KIAA1217: variants seen among roughly 807,000 people sequenced by gnomAD.
The protein encoded by KIAA1217 is KIAA1217, also known as sickle tail protein homolog.
KIAA1217 carries 88 observed loss-of-function variants against 163.9 expected under a neutral mutation model. That is an observed-to-expected ratio of 0.54 (90% CI 0.45 to 0.64). KIAA1217 has a LOEUF of 0.64. Ranked by LOEUF, KIAA1217 falls within the 30% of genes least tolerant of loss-of-function variation. The pLI, the probability that KIAA1217 is intolerant of heterozygous loss-of-function variation, is 0.00. For synonymous variants in KIAA1217, 903 were observed against 923.1 expected (o/e 0.98, Z 0.39); for missense variants, 2,372 against 2,475.0 (o/e 0.96, Z 0.88).
chr10:23,712,965 T>C (rs1335481525), intron 1 of KIAA1217, among the ~76,000 whole-genome samples: 2 of 151,456 alleles, frequency 1.3e-5, no homozygotes, highest in African/African-American at 4.9e-5. Flanking sequence ...GGGGGTGGAG[T>C]TGTTAACATG....
intron 12 of KIAA1217, 138 bp downstream of exon 12, chr10:24,522,067 C>T (rs2071376950): frequency 2.1e-6 from 2 of 933,086 alleles, no homozygotes; most frequent in Non-Finnish European, 3.1e-6. Context: ...CCAAGTCCTT[C>T]TCACCCTTGA....
At chr10:24,310,597 A>G (rs2042575126) in intron 2 of KIAA1217, among the ~76,000 whole-genome samples, 1 of 152,194 alleles carries the variant, frequency 6.6e-6, no homozygotes. Flanking sequence ...TAGCCTCTAC[A>G]TTTTTAAGCA....
At chr10:23,843,888 A>G (rs757910053) in intron 1 of KIAA1217, among the ~76,000 whole-genome samples, 3 of 152,134 alleles carry the variant, frequency 2.0e-5, no homozygotes, top group African/African-American at 7.2e-5. Flanking sequence ...GGGTCTTAAC[A>G]TTCCGTAAAT....
At chr10:24,395,630 C>T (rs765112206) in intron 3 of KIAA1217, among the ~76,000 whole-genome samples, 26 of 152,284 alleles carry the variant, frequency 1.7e-4, no homozygotes, top group Middle Eastern at 3.4e-3. Context: ...GGGCTAGGCA[C>T]GTTCTTGTGC....
chr10:24,381,176 A>G (rs1225028718), intron 3 of KIAA1217, 109 bp downstream of exon 3: 1 of 844,168 alleles, frequency 1.2e-6, no homozygotes, highest in East Asian at 3.1e-5. Context: ...CTTGATTTGC[A>G]AATACTCTAG....
intron 5 of KIAA1217, among the ~76,000 whole-genome samples, chr10:24,463,443 T>C (rs1175263270): frequency 6.6e-6 from 1 of 152,230 alleles, no homozygotes; most frequent in East Asian, 1.9e-4. Flanking sequence ...AGTCTGTCTG[T>C]CTGTCTGTCT....
intron 2 of KIAA1217, among the ~76,000 whole-genome samples, chr10:24,361,612 G>A (rs975046996): frequency 2.0e-5 from 3 of 152,116 alleles, no homozygotes; most frequent in African/African-American, 7.2e-5. Flanking sequence ...CTGTGTGTGG[G>A]CAAATACCAT....
chr10:24,042,683 G>A (rs1218875929), intron 2 of KIAA1217, among the ~76,000 whole-genome samples: 1 of 152,114 alleles, frequency 6.6e-6, no homozygotes, highest in Non-Finnish European at 1.5e-5. Context: ...GGAAGATGGA[G>A]GTGATAGAAC....
chr10:23,880,661 C>T (rs1303599065), intron 1 of KIAA1217, among the ~76,000 whole-genome samples: 1 of 151,862 alleles, frequency 6.6e-6, no homozygotes, highest in East Asian at 1.9e-4. Flanking sequence ...CTCTGTCCAC[C>T]CTCATGTGAT....
chr10:23,918,213 A>T (rs867801674), intron 1 of KIAA1217, among the ~76,000 whole-genome samples: 1 of 149,214 alleles, frequency 6.7e-6, no homozygotes, highest in Non-Finnish European at 1.5e-5. Context: ...TTGTTCTCAA[A>T]CTCCTGACCT....
intron 2 of KIAA1217, among the ~76,000 whole-genome samples, chr10:24,356,327 A>G (rs930992335): frequency 3.9e-5 from 6 of 152,192 alleles, no homozygotes; most frequent in Non-Finnish European, 5.9e-5. Flanking sequence ...ATTTATTCAA[A>G]GTAAAACAGC....
At chr10:24,453,425 A>G (rs772787719) in intron 5 of KIAA1217, among the ~76,000 whole-genome samples, 6 of 152,234 alleles carry the variant, frequency 3.9e-5, no homozygotes, top group Admixed American at 6.5e-5. Context: ...TTGGAAATGC[A>G]TGAGCCTGGA....
At chr10:23,977,574 G>C (rs1422638998) in intron 1 of KIAA1217, among the ~76,000 whole-genome samples, 2 of 152,074 alleles carry the variant, frequency 1.3e-5, no homozygotes, top group Non-Finnish European at 2.9e-5. Flanking sequence ...ACTTCCTAGG[G>C]TATCCCAGCT....
intron 14 of KIAA1217, among the ~76,000 whole-genome samples, chr10:24,529,528 G>A (rs2072780392): frequency 6.6e-6 from 1 of 151,980 alleles, no homozygotes; most frequent in Non-Finnish European, 1.5e-5. Context: ...GCAGTTGGTT[G>A]AATCCACAGA....
intron 5 of KIAA1217, chr10:24,449,349 G>C (rs1265937348): frequency 4.1e-6 from 2 of 486,384 alleles, no homozygotes; most frequent in African/African-American, 4.2e-5. Flanking sequence ...TTTTGTCATT[G>C]AGAGGTTATG....
intron 2 of KIAA1217, among the ~76,000 whole-genome samples, chr10:24,024,550 G>T (rs932118454): frequency 6.6e-6 from 1 of 151,600 alleles, no homozygotes; most frequent in South Asian, 2.1e-4. Context: ...TCTACATGTG[G>T]ATATAAATTT....
Position 24,543,752 on chromosome 10 carries a change from GAAT to G in KIAA1217, c.4488_4490del (p.Asn1497del). Reference sequence around the variant, plus strand: ...AGGAAAATGGGGATTCTGTAGTCCAGAATAATAACACTTCCCAGATGTCTCATA... The same window carrying G: ...AGGAAAATGGGGATTCTGTAGTCCAGAATAACACTTCCCAGATGTCTCATA... On this transcript the variant is annotated inframe_deletion, in exon 19 of 21. Coordinates refer to ENST00000376454, the MANE Select transcript of KIAA1217 (RefSeq NM_019590.5). The G allele has an allele frequency of 6.2e-7, 1 of 1,613,432 alleles. No homozygotes were observed. Among genetic ancestry groups the G allele is most frequent in the Non-Finnish European group, 8.5e-7 (1 of 1,179,660 alleles).
chr10:23,964,234 A>G (rs1844953691), intron 1 of KIAA1217, among the ~76,000 whole-genome samples: 1 of 150,974 alleles, frequency 6.6e-6, no homozygotes, highest in Non-Finnish European at 1.5e-5. Flanking sequence ...TGTTGGCTGC[A>G]TAAATGTCTT....
At chr10:23,827,912 T>C (rs1410556047) in intron 1 of KIAA1217, among the ~76,000 whole-genome samples, 1 of 152,092 alleles carries the variant, frequency 6.6e-6, no homozygotes, top group Non-Finnish European at 1.5e-5. Flanking sequence ...TCTTAAAGGA[T>C]GACTGTTTGC....
Sources: allele counts gnomAD v4.1 joint callset (sites outside exome capture counted in the v4.1 genomes callset), GRCh38; gene constraint gnomAD v4.1.1; transcripts MANE v1.5; gene names NCBI Gene and HGNC (gene_info 2026-07-23, HGNC 2026-07-21).